Variants in SLC2A12 observed in about 807,000 individuals in gnomAD.
The protein encoded by SLC2A12 is solute carrier family 2, facilitated glucose transporter member 12.
In SLC2A12, 23 loss-of-function variants were observed where a neutral mutation model predicts 41.8. The ratio of observed to expected loss-of-function variants is 0.55; its 90% CI spans 0.40 to 0.78. SLC2A12 has a LOEUF of 0.78. Among genes scored for constraint, SLC2A12 ranks in the 30% least tolerant of loss-of-function variants. The probability of loss-of-function intolerance (pLI) is 0.00; values close to 1 mark genes in which losing one functional copy is unlikely to be tolerated. For missense variants in SLC2A12, 654 were observed against 745.6 expected (o/e 0.88, Z 1.43); for synonymous variants, 295 against 285.9 (o/e 1.03, Z -0.32).
chr6:134,027,642 G>T (rs889158071), intron 2 of SLC2A12, among the ~76,000 whole-genome samples: 1 of 152,130 alleles, frequency 6.6e-6, no homozygotes, highest in Non-Finnish European at 1.5e-5. Context: ...TCAGGCTTTA[G>T]ATGTGAGGCT....
At chr6:134,001,781 A>G (rs998919240) in intron 4 of SLC2A12, among the ~76,000 whole-genome samples, 13 of 151,806 alleles carry the variant, frequency 8.6e-5, no homozygotes, top group Non-Finnish European at 1.3e-4. Context: ...AGCTTCATTC[A>G]TTGGGAAGAA....
chr6:134,033,833 A>C (rs1777256304), intron 1 of SLC2A12, among the ~76,000 whole-genome samples: 1 of 152,086 alleles, frequency 6.6e-6, no homozygotes, highest in Non-Finnish European at 1.5e-5. Context: ...TCTGTGCTCC[A>C]TTATCTTACC....
At chr6:134,040,058 GTTTT>G (rs11371413) in intron 1 of SLC2A12, among the ~76,000 whole-genome samples, 2 of 139,362 alleles carry the variant, frequency 1.4e-5, no homozygotes, top group Admixed American at 7.1e-5. Flanking sequence ...GTTGTTTTTT[GTTTT>G]TTTTTTTTTG....
At chr6:133,999,335 G>A (rs1211513320) in intron 4 of SLC2A12, among the ~76,000 whole-genome samples, 2 of 152,186 alleles carry the variant, frequency 1.3e-5, no homozygotes, top group Non-Finnish European at 2.9e-5. Flanking sequence ...TTTCACATGA[G>A]CTAAAAGAAC....
intron 2 of SLC2A12, among the ~76,000 whole-genome samples, chr6:134,022,083 C>T (rs1777048051): frequency 6.6e-6 from 1 of 152,166 alleles, no homozygotes; most frequent in Non-Finnish European, 1.5e-5. Flanking sequence ...GTCCTGCAGA[C>T]ACCCTGATAG....
At position 133,991,280 on chromosome 6, in the gene SLC2A12, TAA is replaced by T. The variant is rs750315257; in HGVS notation, c.1727_1728del (p.Phe576TyrfsTer26). The T allele has an allele frequency of 2.9e-5, 47 of 1,613,666 alleles. No homozygotes were observed. Among genetic ancestry groups the T allele is most frequent in the Non-Finnish European group, 3.1e-5 (37 of 1,179,886 alleles). On this transcript the variant is annotated frameshift_variant, in exon 5 of 5. Coordinates refer to ENST00000275230, the MANE Select transcript of SLC2A12 (RefSeq NM_145176.3). LOFTEE classifies it high-confidence loss of function. ...KVNYVKNNIC[F>X]MSHHQEELVP... is the part of the protein sequence containing the mutation. ...ACTAATTCTTCTTGGTGATGACTCATAAAACAAATGTTGTTTTTCACATAGTT... is the reference window on the plus strand; with the variant it reads ...ACTAATTCTTCTTGGTGATGACTCATAACAAATGTTGTTTTTCACATAGTT...
intron 1 of SLC2A12, among the ~76,000 whole-genome samples, chr6:134,040,251 G>A (rs149298710): frequency 3.3e-5 from 5 of 151,082 alleles, no homozygotes; most frequent in Admixed American, 6.6e-5. Context: ...GCCAATTTTT[G>A]TATTTTTGAT....
intron 2 of SLC2A12, among the ~76,000 whole-genome samples, chr6:134,011,823 C>A (rs930968881): frequency 7.2e-5 from 11 of 152,036 alleles, no homozygotes; most frequent in Non-Finnish European, 1.3e-4. Context: ...GGGCAGATCA[C>A]CTAAGCTCAG....
Position 134,052,382 on chromosome 6 carries a change from C to A in SLC2A12, c.99G>T (p.Ala33=). 3.7e-6 allele frequency: 6 copies of A among 1,612,090 alleles called. No individual in the cohort carries two copies. Among genetic ancestry groups the A allele is most frequent in the Non-Finnish European group, 5.1e-6 (6 of 1,179,906 alleles). The change falls in exon 1 of 5, where the codon GCG becomes GCT. Residue 33 remains alanine, a synonymous_variant. Coordinates refer to ENST00000275230, the MANE Select transcript of SLC2A12 (RefSeq NM_145176.3). ...EGSGSRHPPW[A]RGCGMFTFLS... is the part of the protein sequence containing the mutation. Reference sequence around the variant, plus strand: ...AGCACTGCAGGCTCACTTTACCTCTCGCCCAGGGAGGATGCCGGCTGCCGC... The same window carrying A: ...AGCACTGCAGGCTCACTTTACCTCTAGCCCAGGGAGGATGCCGGCTGCCGC...
chr6:134,032,468 TTA>T (rs1195287632), intron 1 of SLC2A12, among the ~76,000 whole-genome samples: 56 of 34,274 alleles, frequency 1.6e-3, no homozygotes, highest in Middle Eastern at 0.018. Context: ...ATATATATTT[TTA>T]TATATATATA....
intron 1 of SLC2A12, among the ~76,000 whole-genome samples, chr6:134,040,222 G>A (rs192324333): frequency 6.6e-6 from 1 of 152,060 alleles, no homozygotes; most frequent in Admixed American, 6.5e-5. Context: ...GGGACTACAG[G>A]TGCATGCCAC....
At chr6:134,041,117 C>A (rs1009624403) in intron 1 of SLC2A12, among the ~76,000 whole-genome samples, 1 of 152,024 alleles carries the variant, frequency 6.6e-6, no homozygotes, top group Admixed American at 6.6e-5. Flanking sequence ...GAGATCATTC[C>A]TGGATTATTT....
At chr6:134,031,551 A>G (rs77707109) in intron 1 of SLC2A12, among the ~76,000 whole-genome samples, 3,183 of 152,232 alleles carry the variant, frequency 0.021, 116 homozygotes, top group African/African-American at 0.073. Flanking sequence ...TACTCAATAC[A>G]GTACTATATG....
intron 2 of SLC2A12, among the ~76,000 whole-genome samples, chr6:134,022,955 A>C (rs2114465139): frequency 6.6e-6 from 1 of 152,328 alleles, no homozygotes; most frequent in South Asian, 2.1e-4. Context: ...TGTCTCAACC[A>C]ACCAATAAGC....
At chr6:134,022,428 G>A (rs1202352977) in intron 2 of SLC2A12, among the ~76,000 whole-genome samples, 1 of 152,128 alleles carries the variant, frequency 6.6e-6, no homozygotes, top group Non-Finnish European at 1.5e-5. Context: ...CTACTTGGGA[G>A]GCTGAGGCAG....
At chr6:134,014,522 C>A (rs1776929700) in intron 2 of SLC2A12, among the ~76,000 whole-genome samples, 4 of 152,196 alleles carry the variant, frequency 2.6e-5, no homozygotes, top group African/African-American at 4.8e-5. Flanking sequence ...AATGTCATGG[C>A]TTCGGAGATC....
intron 2 of SLC2A12, among the ~76,000 whole-genome samples, chr6:134,014,226 G>A (rs916036294): frequency 6.6e-6 from 1 of 152,170 alleles, no homozygotes; most frequent in Non-Finnish European, 1.5e-5. Context: ...CGCATGGGCA[G>A]ACACTAGGGT....
intron 4 of SLC2A12, among the ~76,000 whole-genome samples, chr6:133,992,049 G>T (rs1017819042): frequency 1.3e-5 from 2 of 152,182 alleles, no homozygotes; most frequent in African/African-American, 4.8e-5. Context: ...ATCAGAAAAT[G>T]GAATGAAGTT....
Position 134,052,557 on chromosome 6 carries a change from C to A in SLC2A12, c.-77G>T. 1 of 1,094,288 alleles carries A rather than the reference C, an allele frequency of 9.1e-7. No homozygotes were observed. The highest frequency in any genetic ancestry group is 1.4e-6 in the Non-Finnish European group (1 of 727,272). The allele number at this position is 1,094,288 out of a possible 1,614,324, so 67.8% of individuals were successfully genotyped here. A position where few individuals can be genotyped will look rare whatever the true frequency, so the allele number is the denominator to read the frequency against. ...CCCCGCTCCCAGGAGTGGTCACTTT[C>A]CCCATAATAGCATGCTAAAGAAGAG... On this transcript the variant is annotated 5_prime_UTR_variant, in exon 1 of 5. Transcript: ENST00000275230.
Sources: gnomAD v4.1 joint callset for allele counts (sites outside exome capture counted in the v4.1 genomes callset) on GRCh38, gnomAD v4.1.1 for gene constraint, MANE v1.5 for transcripts, NCBI Gene and HGNC (gene_info 2026-07-23, HGNC 2026-07-21) for gene names.